Variants in RAB35 observed in about 807,000 individuals in gnomAD.
RAB35 encodes RAB35, member RAS oncogene family.
Under a neutral mutation model 28.9 loss-of-function variants are expected in RAB35, and 4 were observed. That is an observed-to-expected ratio of 0.14 (90% CI 0.07 to 0.32). RAB35 has a LOEUF of 0.32. Ranked by LOEUF, RAB35 falls within the 10% of genes least tolerant of loss-of-function variation. The pLI is 1.00. For synonymous variants in RAB35, 99 were observed against 105.1 expected (o/e 0.94, Z 0.35); for missense variants, 128 against 274.0 (o/e 0.47, Z 3.76).
chr12:120,105,878 C>T (rs1875849205), intron 2 of RAB35, among the ~76,000 whole-genome samples: 1 of 148,382 alleles, frequency 6.7e-6, no homozygotes, highest in African/African-American at 2.5e-5. Context: ...GATCACACCA[C>T]CGCACTCCAG....
chr12:120,096,994 C>A lies in RAB35; in HGVS notation c.*251G>T, dbSNP rs1341964493. Reference sequence around the variant, plus strand: ...GCGAATCAGTCCGCTCGGCGGGCAGCGTCCTCGCCAGGTCCAGGCGCCTTG... The same window carrying A: ...GCGAATCAGTCCGCTCGGCGGGCAGAGTCCTCGCCAGGTCCAGGCGCCTTG... On this transcript the variant is annotated 3_prime_UTR_variant, in exon 6 of 6. Transcript: ENST00000229340. 2.0e-6 allele frequency: 3 copies of A among 1,490,636 alleles called. No homozygotes were observed. Among genetic ancestry groups the A allele is most frequent in the East Asian group, 5.4e-5 (2 of 36,786 alleles). The allele number at this position is 1,490,636 out of a possible 1,614,324, so 92.3% of individuals were successfully genotyped here.
Position 120,096,948 on chromosome 12 carries a change from T to C in RAB35, c.*297A>G, listed in dbSNP as rs376818740. 7.1e-7 allele frequency: 1 copy of C among 1,399,518 alleles called. No homozygotes were observed. The highest frequency in any genetic ancestry group is 1.2e-5 in the South Asian group (1 of 81,986). The allele number at this position is 1,399,518 out of a possible 1,614,324, so 86.7% of individuals were successfully genotyped here. On this transcript the variant is annotated 3_prime_UTR_variant, in exon 6 of 6. Transcript: ENST00000229340. ...CGTGGTGTGCGGCCGGGTAGAGCAA[T>C]ATACACTATGTACAGACTCTGCGAA...
At chr12:120,099,307 C>T (rs1875565104) in intron 3 of RAB35, 153 bp from the exon 4 acceptor site, 2 of 948,480 alleles carry the variant, frequency 2.1e-6, no homozygotes, top group South Asian at 3.3e-5. Flanking sequence ...TGCCCCCGAG[C>T]CACAACAGGC....
intron 1 of RAB35, among the ~76,000 whole-genome samples, chr12:120,116,001 C>T (rs1244248109): frequency 6.6e-6 from 1 of 152,148 alleles, no homozygotes; most frequent in African/African-American, 2.4e-5. Flanking sequence ...TGTGCAAAGC[C>T]CTTTATCCGA....
In RAB35 at chr12:120,098,949, C is replaced by G; in HGVS notation, c.353-14G>C. The stretch of plus-strand genomic sequence containing the variant: ...TCTTATTACCCACTTCAAACGAAGG[C>G]AGAGTCAGCGCAGCCCTGAGGGGCG... On this transcript the variant is annotated splice_polypyrimidine_tract_variant and intron_variant, in intron 4 of 5. Coordinates refer to ENST00000229340, the MANE Select transcript of RAB35 (RefSeq NM_006861.7). 6.2e-7 allele frequency: 1 copy of G among 1,614,172 alleles called. No individual in the cohort carries two copies. Among genetic ancestry groups the G allele is most frequent in the Non-Finnish European group, 8.5e-7 (1 of 1,180,032 alleles).
At position 120,096,446 on chromosome 12, in the gene RAB35, G is replaced by A; in HGVS notation, c.*799C>T. On this transcript the variant is annotated 3_prime_UTR_variant, in exon 6 of 6. Transcript: ENST00000229340. ...TAATCCTCCCATAGCCCCCCTGCCA[G>A]CCCCATCTCTGCACGAACCTACCCC... The A allele has an allele frequency of 3.1e-6, 4 of 1,289,244 alleles. No homozygotes were observed. Among genetic ancestry groups the A allele is most frequent in the Non-Finnish European group, 4.0e-6 (4 of 988,496 alleles). The allele number at this position is 1,289,244 out of a possible 1,614,324, so 79.9% of individuals were successfully genotyped here.
chr12:120,106,339 C>T (rs760686172), intron 2 of RAB35, among the ~76,000 whole-genome samples: 5 of 152,122 alleles, frequency 3.3e-5, no homozygotes, highest in Non-Finnish European at 7.4e-5. Flanking sequence ...TTACTTAGTC[C>T]CAGGCACTGC....
At chr12:120,100,576 C>T (rs1194615783) in intron 3 of RAB35, among the ~76,000 whole-genome samples, 1 of 152,210 alleles carries the variant, frequency 6.6e-6, no homozygotes, top group Admixed American at 6.5e-5. Flanking sequence ...TGAGCATCTT[C>T]CCTGATGCTG....
At chr12:120,100,737 G>A (rs1428301295) in intron 3 of RAB35, among the ~76,000 whole-genome samples, 1 of 152,206 alleles carries the variant, frequency 6.6e-6, no homozygotes, top group Non-Finnish European at 1.5e-5. Context: ...GGGCAGCGTC[G>A]CTCCTTGGCT....
In RAB35 at chr12:120,096,550, T is replaced by C. The variant is rs1875404043; in HGVS notation, c.*695A>G. The C allele has an allele frequency of 7.8e-7, 1 of 1,289,750 alleles. No homozygotes were observed. Among genetic ancestry groups the C allele is most frequent in the South Asian group, 1.2e-5 (1 of 81,042 alleles). 79.9% of individuals were successfully genotyped at this position (1,289,750 alleles called of 1,614,324 possible). On this transcript the variant is annotated 3_prime_UTR_variant, in exon 6 of 6. Transcript: ENST00000229340. ...CCTGGGTTTGGAGCTCAGAGGCATCTAGAAGGCAGGACAAGAAATCTGTTG... is the reference window on the plus strand; with the variant it reads ...CCTGGGTTTGGAGCTCAGAGGCATCCAGAAGGCAGGACAAGAAATCTGTTG...
chr12:120,106,124 T>C (rs1320174286), intron 2 of RAB35, among the ~76,000 whole-genome samples: 1 of 152,052 alleles, frequency 6.6e-6, no homozygotes, highest in Non-Finnish European at 1.5e-5. Flanking sequence ...TAAACTGAGA[T>C]GCTGGTCGTA....
At chr12:120,108,170 A>G (rs1249072806) in intron 2 of RAB35, among the ~76,000 whole-genome samples, 1 of 152,098 alleles carries the variant, frequency 6.6e-6, no homozygotes, top group Non-Finnish European at 1.5e-5. Context: ...TCCTGTTTGG[A>G]CCATGGGTGG....
intron 2 of RAB35, among the ~76,000 whole-genome samples, chr12:120,107,346 CAAATGT>C (rs1367460696): frequency 6.6e-6 from 1 of 152,140 alleles, no homozygotes; most frequent in Non-Finnish European, 1.5e-5. Context: ...TAGGGAAATA[CAAATGT>C]AAACAAGTTA....
chr12:120,102,137 C>T (rs1875684070), intron 3 of RAB35, among the ~76,000 whole-genome samples: 1 of 152,194 alleles, frequency 6.6e-6, no homozygotes, highest in African/African-American at 2.4e-5. Flanking sequence ...CTGAGTGCCC[C>T]CAACCTCTGC....
intron 1 of RAB35, among the ~76,000 whole-genome samples, chr12:120,112,655 C>A (rs536214755): frequency 1.6e-4 from 24 of 151,558 alleles, no homozygotes; most frequent in Admixed American, 4.0e-4. Flanking sequence ...GTCTCAAACT[C>A]TTGGGCTCAA....
At chr12:120,113,731 T>C (rs1220487349) in intron 1 of RAB35, among the ~76,000 whole-genome samples, 1 of 148,226 alleles carries the variant, frequency 6.7e-6, no homozygotes, top group Admixed American at 6.8e-5. Context: ...GGCAGGAGAA[T>C]GGCGTGAACC....
intron 2 of RAB35, among the ~76,000 whole-genome samples, chr12:120,104,840 C>A (rs1475734351): frequency 2.6e-5 from 4 of 152,142 alleles, no homozygotes; most frequent in Non-Finnish European, 5.9e-5. Flanking sequence ...CACCATGTTG[C>A]CCAGGCTGGT....
At chr12:120,108,341 CTGTT>C in intron 2 of RAB35, 72 bp downstream of exon 2, 2 of 1,441,392 alleles carry the variant, frequency 1.4e-6, no homozygotes, top group Non-Finnish European at 1.9e-6. Flanking sequence ...AGAGGCAACT[CTGTT>C]TGGTGCCAGG....
chr12:120,097,006 G>C lies in RAB35; in HGVS notation c.*239C>G. 6.6e-7 allele frequency: 1 copy of C among 1,505,736 alleles called. No homozygotes were observed. Among genetic ancestry groups the C allele is most frequent in the Non-Finnish European group, 8.9e-7 (1 of 1,127,942 alleles). 93.3% of individuals were successfully genotyped at this position (1,505,736 alleles called of 1,614,324 possible). On this transcript the variant is annotated 3_prime_UTR_variant, in exon 6 of 6. Coordinates refer to ENST00000229340, the MANE Select transcript of RAB35 (RefSeq NM_006861.7). ...GCTCGGCGGGCAGCGTCCTCGCCAG[G>C]TCCAGGCGCCTTGGCCGGGGAGGAG...
Sources: gnomAD v4.1 joint callset for allele counts (sites outside exome capture counted in the v4.1 genomes callset) on GRCh38, gnomAD v4.1.1 for gene constraint, MANE v1.5 for transcripts, NCBI Gene and HGNC (gene_info 2026-07-23, HGNC 2026-07-21) for gene names.